EMSY: variants seen among roughly 807,000 people sequenced by gnomAD.
EMSY encodes the protein EMSY transcriptional repressor, BRCA2 interacting.
EMSY carries 26 observed loss-of-function variants against 134.6 expected under a neutral mutation model. That is an observed-to-expected ratio of 0.19 (90% CI 0.14 to 0.27). The LOEUF is 0.27. EMSY is among the 10% of genes least tolerant of loss of function. The pLI is 1.00. For missense variants in EMSY, 1,305 were observed against 1,611.4 expected, an observed-to-expected ratio of 0.81 and a Z score of 3.26; for synonymous variants, 579 against 577.8, an observed-to-expected ratio of 1.00 and a Z score of -0.03.
intron 16 of EMSY, 72 bp downstream of exon 17, chr11:76,538,022 G>A (rs765504037): frequency 1.2e-5 from 16 of 1,303,004 alleles, no homozygotes; most frequent in Non-Finnish European, 1.6e-5. Flanking sequence ...ATGATTGTGT[G>A]GGGGAGAATA....
chr11:76,518,167 C>CTTT lies in EMSY; in HGVS notation c.1684+1873_1684+1875dup, dbSNP rs35911259. On this transcript the variant is annotated intron_variant, in intron 11 of 20. Transcript: ENST00000334736. ...TCCCCAAACAAAAAAGAAGTACTTTCTTTTTTTTTTTTTTTTTTTTAAGAC... is the reference window on the plus strand; with the variant it reads ...TCCCCAAACAAAAAAGAAGTACTTTCTTTTTTTTTTTTTTTTTTTTTTTAAGAC... Among the ~76,000 whole-genome samples the CTTT allele has an allele frequency of 1.3e-3, 161 of 119,510 alleles. 3 individuals are homozygous for CTTT. The highest frequency in any genetic ancestry group is 5.1e-3 in the East Asian group (21 of 4,120). The allele number at this position is 119,510 out of a possible 152,430, so 78.4% of individuals were successfully genotyped here. A position where few individuals can be genotyped will look rare whatever the true frequency, so the allele number is the denominator to read the frequency against.
At chr11:76,467,624 T>G (rs1008193806) in intron 7 of EMSY, among the ~76,000 whole-genome samples, 12 of 152,220 alleles carry the variant, frequency 7.9e-5, no homozygotes, top group African/African-American at 2.2e-4. Context: ...GTAAATTAAT[T>G]AATGAATGAA....
At chr11:76,481,525 C>A (rs978290036) in intron 8 of EMSY, among the ~76,000 whole-genome samples, 1 of 152,224 alleles carries the variant, frequency 6.6e-6, no homozygotes, top group Admixed American at 6.5e-5. Context: ...GCACAGCAGT[C>A]TGAAGTTAAC....
chr11:76,467,643 T>A (rs1948406305), intron 7 of EMSY, among the ~76,000 whole-genome samples: 1 of 152,194 alleles, frequency 6.6e-6, no homozygotes, highest in Non-Finnish European at 1.5e-5. Context: ...AATAGAAGTA[T>A]CTGGTTCCAA....
At chr11:76,546,100 G>A (rs377079423) in exon 20 of EMSY, 288 of 1,614,052 alleles carry the variant, frequency 1.8e-4, no homozygotes, top group Non-Finnish European at 2.3e-4. Context: ...CACCCACATG[G>A]TGGTGGCAGG....
intron 8 of EMSY, among the ~76,000 whole-genome samples, chr11:76,473,263 G>A (rs1948644405): frequency 6.6e-6 from 1 of 151,904 alleles, no homozygotes; most frequent in South Asian, 2.1e-4. Flanking sequence ...TGGTTTCAAG[G>A]ATATGCCATT....
chr11:76,456,382 G>A (rs1409420517), intron 4 of EMSY, among the ~76,000 whole-genome samples: 2 of 152,126 alleles, frequency 1.3e-5, no homozygotes, highest in East Asian at 3.8e-4. Context: ...ATATGTTCAT[G>A]TGCTTCAAAT....
In EMSY at chr11:76,500,076, C is replaced by CA. The variant is rs66518169; in HGVS notation, c.1363+3623dup. The stretch of plus-strand genomic sequence containing the variant: ...TGGGCTACAGAGTGAGAGCCTATCT[C>CA]AAAAAAAAAAAAAAAACCAAACCCA... On this transcript the variant is annotated intron_variant, in intron 9 of 20. Coordinates refer to ENST00000334736, the Ensembl canonical transcript of EMSY. Among the ~76,000 whole-genome samples, 592 of 124,164 alleles carry CA rather than the reference C, an allele frequency of 4.8e-3. 3 individuals carry two copies. Among genetic ancestry groups the CA allele is most frequent in the East Asian group, 0.017 (78 of 4,472 alleles). The allele number at this position is 124,164 out of a possible 152,430, so 81.5% of individuals were successfully genotyped here. A position where few individuals can be genotyped will look rare whatever the true frequency, so the allele number is the denominator to read the frequency against.
intron 9 of EMSY, among the ~76,000 whole-genome samples, chr11:76,503,048 T>G (rs1294356793): frequency 6.6e-6 from 1 of 151,896 alleles, no homozygotes; most frequent in Non-Finnish European, 1.5e-5. Flanking sequence ...TCCCGGTAAT[T>G]CCAGCACTTT....
chr11:76,542,664 T>A (rs897077171), intron 18 of EMSY, among the ~76,000 whole-genome samples: 6 of 152,156 alleles, frequency 3.9e-5, no homozygotes, highest in African/African-American at 1.2e-4. Flanking sequence ...GAAGAATGTA[T>A]CATTGAGGTA....
At chr11:76,453,377 A>T (rs1034409942) in exon 4 of EMSY, 1 of 1,612,824 alleles carries the variant, frequency 6.2e-7, no homozygotes, top group African/African-American at 1.3e-5. Context: ...GGTTAACAAC[A>T]ATTGCACATA....
chr11:76,466,932 G>T (rs771676754), intron 7 of EMSY, among the ~76,000 whole-genome samples: 2 of 152,140 alleles, frequency 1.3e-5, no homozygotes, highest in African/African-American at 2.4e-5. Flanking sequence ...GCAACATAAG[G>T]TATGTATTCA....
intron 8 of EMSY, among the ~76,000 whole-genome samples, chr11:76,489,055 A>G (rs1482796827): frequency 6.6e-6 from 1 of 152,216 alleles, no homozygotes; most frequent in Non-Finnish European, 1.5e-5. Context: ...GGCTTAGATC[A>G]ATTAGGAATT....
exon 21 of EMSY, chr11:76,551,372 AT>A (rs890117657): frequency 8.5e-5 from 13 of 152,904 alleles, no homozygotes; most frequent in African/African-American, 3.1e-4. Flanking sequence ...ATAAATAAGC[AT>A]TTTAAGACTG....
chr11:76,526,598 C>T, exon 13 of EMSY: 2 of 1,613,106 alleles, frequency 1.2e-6, no homozygotes, highest in Non-Finnish European at 1.7e-6. Context: ...AAAATCATCC[C>T]AACAAAAATT....
intron 11 of EMSY, among the ~76,000 whole-genome samples, chr11:76,520,368 T>C (rs933195459): frequency 6.6e-6 from 1 of 152,062 alleles, no homozygotes; most frequent in South Asian, 2.1e-4. Flanking sequence ...GTTAAGCAAG[T>C]TTTGTCAAAA....
intron 8 of EMSY, among the ~76,000 whole-genome samples, chr11:76,491,065 C>T (rs1949401547): frequency 6.6e-6 from 1 of 152,070 alleles, no homozygotes; most frequent in African/African-American, 2.4e-5. Flanking sequence ...ATAGTTGCTC[C>T]TCCCCTATGC....
At chr11:76,549,881 TTGATA>T in intron 20 of EMSY, 66 bp from the exon 22 acceptor site, 4 of 1,280,534 alleles carry the variant, frequency 3.1e-6, no homozygotes, top group East Asian at 2.4e-5. Context: ...TTTTTTTTTC[TTGATA>T]TTGTTGGGGA....
intron 8 of EMSY, among the ~76,000 whole-genome samples, chr11:76,473,072 A>G (rs150297756): frequency 6.6e-6 from 1 of 152,214 alleles, no homozygotes; most frequent in African/African-American, 2.4e-5. Context: ...CTGGGCTGCT[A>G]ACATTCACAA....
Sources: allele counts gnomAD v4.1 joint callset (sites outside exome capture counted in the v4.1 genomes callset), GRCh38; gene constraint gnomAD v4.1.1; transcripts MANE v1.5; gene names NCBI Gene and HGNC (gene_info 2026-07-23, HGNC 2026-07-21).